PIK3C2A: variants seen among roughly 807,000 people sequenced by gnomAD.
The protein encoded by PIK3C2A is phosphatidylinositol 4-phosphate 3-kinase C2 domain-containing subunit alpha.
A neutral mutation model predicts 204.5 loss-of-function variants in PIK3C2A; 97 were observed. That is an observed-to-expected ratio of 0.47 (90% CI 0.40 to 0.56). The LOEUF is 0.56. Among genes scored for constraint, PIK3C2A ranks in the 20% least tolerant of loss-of-function variants. The pLI, the probability that PIK3C2A is intolerant of heterozygous loss-of-function variation, is 0.00. For missense variants in PIK3C2A, 1,735 were observed against 1,969.2 expected, an observed-to-expected ratio of 0.88 and a Z score of 2.25; for synonymous variants, 653 against 664.4, an observed-to-expected ratio of 0.98 and a Z score of 0.26.
At chr11:17,100,530 T>C (rs1257491887) in intron 25 of PIK3C2A, among the ~76,000 whole-genome samples, 1 of 152,064 alleles carries the variant, frequency 6.6e-6, no homozygotes, top group African/African-American at 2.4e-5. Flanking sequence ...CCTAGGCCAC[T>C]GTTTTTACTT....
At chr11:17,204,481 T>A (rs1852496419) in intron 1 of PIK3C2A, 1 of 152,226 alleles carries the variant, frequency 6.6e-6, no homozygotes, top group Non-Finnish European at 1.5e-5. Context: ...TTATCCATCC[T>A]GCCCTTATGA....
chr11:17,127,480 T>C (rs1283165932), intron 13 of PIK3C2A, among the ~76,000 whole-genome samples: 3 of 152,050 alleles, frequency 2.0e-5, no homozygotes, highest in Admixed American at 1.3e-4. Context: ...GGCTAATTTT[T>C]GTATTTTTAG....
chr11:17,137,451 G>A (rs140532695), intron 8 of PIK3C2A, among the ~76,000 whole-genome samples: 8,126 of 106,198 alleles, frequency 0.077, 278 homozygotes, highest in Middle Eastern at 0.17. Flanking sequence ...CTCTCATTCT[G>A]CTGCCCAGGC....
intron 3 of PIK3C2A, among the ~76,000 whole-genome samples, chr11:17,153,406 C>T (rs1037806975): frequency 4.0e-5 from 6 of 151,410 alleles, no homozygotes; most frequent in Non-Finnish European, 8.8e-5. Context: ...CTGCATTCCA[C>T]CCTGGGCAAC....
chr11:17,173,053 T>C (rs1851229318), intron 1 of PIK3C2A, among the ~76,000 whole-genome samples: 1 of 152,204 alleles, frequency 6.6e-6, no homozygotes, highest in South Asian at 2.1e-4. Flanking sequence ...CCAATTCAAA[T>C]ACTGTCTCCT....
chr11:17,176,004 T>TTA (rs1491530078), intron 1 of PIK3C2A, among the ~76,000 whole-genome samples: 2 of 17,886 alleles, frequency 1.1e-4, no homozygotes, highest in African/African-American at 1.9e-4. Context: ...ATGGAACTGA[T>TTA]TTTTTTTTTT....
At chr11:17,207,673 G>C (rs929775630) in intron 1 of PIK3C2A, among the ~76,000 whole-genome samples, 175 bp downstream of exon 1, 9 of 152,114 alleles carry the variant, frequency 5.9e-5, no homozygotes, top group African/African-American at 2.2e-4. Context: ...CCGGAGGGAG[G>C]GGGGAGTCGG....
At chr11:17,103,502 CCCATGTAGTTAATTTTATT>C (rs1848710121) in intron 23 of PIK3C2A, among the ~76,000 whole-genome samples, 2 of 152,020 alleles carry the variant, frequency 1.3e-5, no homozygotes, top group Non-Finnish European at 2.9e-5. Context: ...GCCTGACTTG[CCCATGTAGTTAATTTTATT>C]CCATAATTCC....
chr11:17,132,102 T>A, intron 11 of PIK3C2A, 64 bp from the exon 12 acceptor site: 2 of 950,286 alleles, frequency 2.1e-6, no homozygotes, highest in Non-Finnish European at 1.6e-6. Flanking sequence ...CTAATACAAA[T>A]ACATTAGCAG....
intron 2 of PIK3C2A, among the ~76,000 whole-genome samples, chr11:17,164,338 T>C (rs1850878339): frequency 7.0e-6 from 1 of 143,568 alleles, no homozygotes; most frequent in African/African-American, 2.7e-5. Flanking sequence ...GGTAAAACAG[T>C]GTGAGACCCT....
chr11:17,206,632 C>T (rs1247482306), intron 1 of PIK3C2A, among the ~76,000 whole-genome samples: 18 of 151,710 alleles, frequency 1.2e-4, no homozygotes, highest in Admixed American at 1.2e-3. Context: ...GGCAGAGCTG[C>T]TAAAGGAGTC....
At position 17,193,868 on chromosome 11, in the gene PIK3C2A, A is replaced by AAAAGAAAAGAAAAGAAAAGG. The variant is rs780119898; in HGVS notation, c.-66+13979_-66+13980insCCTTTTCTTTTCTTTTCTTT. 8.9e-4 allele frequency: 94 copies of AAAAGAAAAGAAAAGAAAAGG among 106,118 alleles called. 16 individuals carry two copies. The highest frequency in any genetic ancestry group is 1.2e-3 in the Non-Finnish European group (75 of 64,756). The allele number at this position is 106,118 out of a possible 1,614,324, so 6.6% of individuals were successfully genotyped here. The stretch of plus-strand genomic sequence containing the variant: ...TCAAAAAAAGAAAAGAAAAGAAAAG[A>AAAAGAAAAGAAAAGAAAAGG]AAAGAAAAGAAAAGAAAAGAAAAGA... On this transcript the variant is annotated intron_variant, in intron 1 of 32. Transcript: ENST00000691414.
intron 2 of PIK3C2A, among the ~76,000 whole-genome samples, chr11:17,158,807 T>C (rs1233140730): frequency 3.3e-5 from 5 of 152,166 alleles, no homozygotes; most frequent in Non-Finnish European, 7.3e-5. Flanking sequence ...AAAATAATAA[T>C]AGTTGTATTT....
chr11:17,176,026 C>T (rs1851327110), intron 1 of PIK3C2A, among the ~76,000 whole-genome samples: 1 of 147,132 alleles, frequency 6.8e-6, no homozygotes, highest in Non-Finnish European at 1.5e-5. Context: ...TTGTGGGGGA[C>T]AGAGTCTCAC....
chr11:17,202,211 G>A (rs1230904841), intron 1 of PIK3C2A, among the ~76,000 whole-genome samples: 2 of 150,584 alleles, frequency 1.3e-5, no homozygotes, highest in African/African-American at 4.9e-5. Context: ...AGCTGAGATT[G>A]CGCCATTGTA....
rs940850283 is a variant in PIK3C2A, at chr11:17,133,104, T to C, written c.2109-1066A>G. On this transcript the variant is annotated intron_variant, in intron 11 of 32. Coordinates refer to ENST00000691414, the MANE Select transcript of PIK3C2A (RefSeq NM_002645.4). ...CACACAATACCCCTAAGCAAACTAT[T>C]TGGTTATTTTTCTCAACTTTATTCC... Among the ~76,000 whole-genome samples, 49 of 152,202 alleles carry C rather than the reference T, an allele frequency of 3.2e-4. 1 individual carries two copies. The highest frequency in any genetic ancestry group is 5.9e-5 in the Non-Finnish European group (4 of 68,028).
At chr11:17,115,372 G>GAAAAAAAAAAAAAAAAAA (rs58726258) in intron 19 of PIK3C2A, among the ~76,000 whole-genome samples, 1 of 84,646 alleles carries the variant, frequency 1.2e-5, no homozygotes, top group Non-Finnish European at 2.3e-5. Flanking sequence ...GTCCCTACAA[G>GAAAAAAAAAAAAAAAAAA]AAAAAAAAAA....
At chr11:17,091,500 C>T in intron 31 of PIK3C2A, 41 bp from the exon 32 acceptor site, 1 of 1,609,228 alleles carries the variant, frequency 6.2e-7, no homozygotes, top group Non-Finnish European at 8.5e-7. Flanking sequence ...TGCTTCCTAC[C>T]AAGGTAAGGG....
chr11:17,093,928 C>A (rs965299219), intron 28 of PIK3C2A, among the ~76,000 whole-genome samples: 5 of 152,116 alleles, frequency 3.3e-5, no homozygotes, highest in Non-Finnish European at 7.4e-5. Flanking sequence ...TGTGAGCCAC[C>A]ACACCTGGCA....
Sources: allele counts gnomAD v4.1 joint callset (sites outside exome capture counted in the v4.1 genomes callset), GRCh38; gene constraint gnomAD v4.1.1; transcripts MANE v1.5; gene names NCBI Gene and HGNC (gene_info 2026-07-23, HGNC 2026-07-21).